Variants in OR7E24 observed in about 807,000 individuals in gnomAD.
OR7E24 encodes olfactory receptor 7E24.
For missense variants in OR7E24, 385 were observed against 410.3 expected (o/e 0.94, Z 0.53); for synonymous variants, 130 against 157.5 (o/e 0.83, Z 1.31).
the OR7E24 span, chr19:9,214,830 G>C: frequency 6.3e-7 from 1 of 1,596,078 alleles, no homozygotes; most frequent in Non-Finnish European, 8.5e-7. Context: ...AAGGTTTTCT[G>C]CTTCCATGTA....
At chr19:9,213,685 C>A in the OR7E24 span, 6 of 528,356 alleles carry the variant, frequency 1.1e-5, no homozygotes, top group East Asian at 1.3e-4. Context: ...TTGCAGTGAG[C>A]CAAGATTGCA....
chr19:9,246,136 C>T (rs2066129101), upstream of OR7E24, among the ~76,000 whole-genome samples: 1 of 129,992 alleles, frequency 7.7e-6, no homozygotes, highest in African/African-American at 2.8e-5. Context: ...GTGGCGCGAT[C>T]TCAGCTCACT....
chr19:9,215,134 A>T, the OR7E24 span, among the ~76,000 whole-genome samples: 3 of 152,080 alleles, frequency 2.0e-5, no homozygotes, highest in East Asian at 5.8e-4. Flanking sequence ...CACGAGGTCA[A>T]GAGATTGAGA....
At chr19:9,218,244 G>A in the OR7E24 span, among the ~76,000 whole-genome samples, 1 of 149,820 alleles carries the variant, frequency 6.7e-6, no homozygotes, top group Non-Finnish European at 1.5e-5. Context: ...TTTGAATATA[G>A]ACATAAATTT....
the OR7E24 span, among the ~76,000 whole-genome samples, chr19:9,233,189 G>C: frequency 2.6e-5 from 4 of 152,084 alleles, no homozygotes; most frequent in African/African-American, 9.7e-5. Flanking sequence ...CAACTTCCTA[G>C]ACTAAATTCG....
chr19:9,245,059 C>CA (rs34476948), upstream of OR7E24, among the ~76,000 whole-genome samples: 27,308 of 151,340 alleles, frequency 0.18, 3,731 homozygotes, highest in African/African-American at 0.38. Context: ...CAAAAAAATA[C>CA]AAAAAAAATT....
At chr19:9,241,943 G>A in the OR7E24 span, among the ~76,000 whole-genome samples, 9 of 151,828 alleles carry the variant, frequency 5.9e-5, no homozygotes, top group South Asian at 8.3e-4. Flanking sequence ...TAACTTTTCC[G>A]TTTTATATAC....
chr19:9,233,394 T>C, the OR7E24 span, among the ~76,000 whole-genome samples: 2 of 152,332 alleles, frequency 1.3e-5, no homozygotes, highest in South Asian at 4.1e-4. Flanking sequence ...ATGTTGATGA[T>C]CGACTCTACT....
chr19:9,221,533 G>C, the OR7E24 span, among the ~76,000 whole-genome samples: 2 of 109,576 alleles, frequency 1.8e-5, no homozygotes, highest in East Asian at 5.3e-4. Context: ...TGTATTTTTA[G>C]TAGAGACGGG....
the OR7E24 span, chr19:9,214,485 A>C: frequency 1.7e-5 from 27 of 1,614,200 alleles, no homozygotes; most frequent in Non-Finnish European, 1.9e-5. Flanking sequence ...GTCATAGGCC[A>C]TCACGGCCAG....
chr19:9,234,653 A>T, the OR7E24 span, among the ~76,000 whole-genome samples: 72 of 152,310 alleles, frequency 4.7e-4, no homozygotes, highest in East Asian at 6.8e-3. Flanking sequence ...ATTATTATGT[A>T]TTCTATGCAT....
chr19:9,221,238 C>T, the OR7E24 span, among the ~76,000 whole-genome samples: 8 of 148,708 alleles, frequency 5.4e-5, no homozygotes, highest in South Asian at 6.4e-4. Context: ...CGCCACTGCA[C>T]TCCAGCCTGG....
chr19:9,235,330 C>G, the OR7E24 span: 1 of 1,307,600 alleles, frequency 7.6e-7, no homozygotes, highest in East Asian at 2.3e-5. Context: ...GTAATTCTTC[C>G]TCTCCAACTT....
the OR7E24 span, among the ~76,000 whole-genome samples, chr19:9,238,369 T>C: frequency 6.6e-6 from 1 of 152,216 alleles, no homozygotes; most frequent in African/African-American, 2.4e-5. Context: ...ATTGAGCATC[T>C]TTCCACATGC....
At chr19:9,243,078 G>T (rs935618966), upstream of OR7E24, among the ~76,000 whole-genome samples, 2 of 152,170 alleles carry the variant, frequency 1.3e-5, no homozygotes, top group Non-Finnish European at 2.9e-5. Context: ...ACTTTCTGGA[G>T]ATGTCTTCAG....
chr19:9,235,497 A>G, the OR7E24 span: 5,774 of 1,588,192 alleles, frequency 3.6e-3, 131 homozygotes, highest in African/African-American at 0.065. Context: ...TGGCTGTGAT[A>G]GCCTATGACC....
At chr19:9,232,995 C>A in the OR7E24 span, among the ~76,000 whole-genome samples, 1 of 151,642 alleles carries the variant, frequency 6.6e-6, no homozygotes, top group Non-Finnish European at 1.5e-5. Flanking sequence ...CTCTGACCCC[C>A]CTAACCCTCA....
the OR7E24 span, among the ~76,000 whole-genome samples, chr19:9,242,109 G>C: frequency 5.9e-5 from 9 of 152,060 alleles, no homozygotes; most frequent in South Asian, 4.1e-4. Flanking sequence ...ACCTAAACTT[G>C]GTTGTGTTCT....
chr19:9,217,914 G>C, the OR7E24 span, among the ~76,000 whole-genome samples: 1 of 152,168 alleles, frequency 6.6e-6, no homozygotes, highest in East Asian at 1.9e-4. Context: ...ATTCGAGATT[G>C]TCCCATGGGT....
Sources: allele counts gnomAD v4.1 joint callset (sites outside exome capture counted in the v4.1 genomes callset), GRCh38; gene constraint gnomAD v4.1.1; transcripts MANE v1.5; gene names NCBI Gene and HGNC (gene_info 2026-07-23, HGNC 2026-07-21).